Variants in GRIK2 observed in about 807,000 individuals in gnomAD.
The protein encoded by GRIK2 is glutamate receptor ionotropic, kainate 2.
A neutral mutation model predicts 100.3 loss-of-function variants in GRIK2; 32 were observed. That is an observed-to-expected ratio of 0.32 (90% CI 0.24 to 0.43). The LOEUF (loss-of-function observed/expected upper bound fraction) is 0.43. Among genes scored for constraint, GRIK2 ranks in the 20% least tolerant of loss-of-function variants. The pLI is 1.00. For synonymous variants in GRIK2, 417 were observed against 389.4 expected (o/e 1.07, Z -0.83); for missense variants, 843 against 1,114.9 (o/e 0.76, Z 3.47).
chr6:101,668,162 C>T (rs1770169051), intron 4 of GRIK2, among the ~76,000 whole-genome samples: 1 of 152,162 alleles, frequency 6.6e-6, no homozygotes, highest in Non-Finnish European at 1.5e-5. Context: ...TTCTTTTCCT[C>T]CTCTGAGAAG....
chr6:101,856,075 C>A (rs916169815), intron 10 of GRIK2, among the ~76,000 whole-genome samples: 1 of 152,216 alleles, frequency 6.6e-6, no homozygotes, highest in East Asian at 1.9e-4. Flanking sequence ...AGTGGTAGAA[C>A]AACAGGTTTT....
intron 2 of GRIK2, among the ~76,000 whole-genome samples, chr6:101,502,683 G>A (rs1229667889): frequency 2.6e-5 from 4 of 152,132 alleles, no homozygotes; most frequent in Non-Finnish European, 5.9e-5. Flanking sequence ...GGAAGAGATT[G>A]ATAGGATATC....
intron 12 of GRIK2, among the ~76,000 whole-genome samples, chr6:101,917,748 C>T (rs1789213787): frequency 6.6e-6 from 1 of 151,216 alleles, no homozygotes; most frequent in African/African-American, 2.4e-5. Context: ...ACAGAAGTAA[C>T]AATTGAAAAT....
chr6:101,588,190 A>C (rs1778466832), intron 2 of GRIK2, among the ~76,000 whole-genome samples: 1 of 152,136 alleles, frequency 6.6e-6, no homozygotes, highest in Non-Finnish European at 1.5e-5. Flanking sequence ...GCAACTATGA[A>C]GCTAATAGAG....
At chr6:101,677,305 G>A (rs1347027331) in intron 5 of GRIK2, among the ~76,000 whole-genome samples, 1 of 152,082 alleles carries the variant, frequency 6.6e-6, no homozygotes, top group Non-Finnish European at 1.5e-5. Flanking sequence ...AAATGAACAA[G>A]TAACTTGACC....
In GRIK2 at chr6:101,529,640, G is replaced by T. The variant is rs189474297; in HGVS notation, c.116-92309G>T. On this transcript the variant is annotated intron_variant, in intron 2 of 16. Coordinates refer to ENST00000369134, the MANE Select transcript of GRIK2 (RefSeq NM_021956.5). ...GAATGTTTATAATGTGCGAGGCATC[G>T]ATCCAACAACTGTGGAATCTATAAA... is the stretch of plus-strand genomic sequence containing the variant. Among the ~76,000 whole-genome samples the T allele has an allele frequency of 3.3e-4, 50 of 152,102 alleles. 1 individual carries two copies. The East Asian group carries it at 8.7e-3, about 26-fold the overall frequency.
At chr6:101,493,574 A>G (rs1049637274) in intron 2 of GRIK2, among the ~76,000 whole-genome samples, 2 of 152,056 alleles carry the variant, frequency 1.3e-5, no homozygotes, top group African/African-American at 4.8e-5. Flanking sequence ...GGAAATATTT[A>G]CTAATCAATA....
chr6:101,512,228 C>G (rs1774359677), intron 2 of GRIK2, among the ~76,000 whole-genome samples: 2 of 151,914 alleles, frequency 1.3e-5, no homozygotes, highest in South Asian at 4.2e-4. Context: ...AACTTAGTTT[C>G]ATTCATGGTA....
intron 2 of GRIK2, among the ~76,000 whole-genome samples, chr6:101,464,423 A>C (rs537430953): frequency 6.8e-6 from 1 of 147,472 alleles, no homozygotes; most frequent in Non-Finnish European, 1.5e-5. Flanking sequence ...GCAGTGGTGG[A>C]GGCATAAACT....
At chr6:102,066,351 C>T (rs775213663) in intron 16 of GRIK2, among the ~76,000 whole-genome samples, 3 of 151,188 alleles carry the variant, frequency 2.0e-5, no homozygotes, top group Non-Finnish European at 4.4e-5. Flanking sequence ...TGTGTACAAG[C>T]AGTGCCGTGA....
chr6:101,879,333 C>T (rs1233161024), intron 11 of GRIK2, among the ~76,000 whole-genome samples: 1 of 152,002 alleles, frequency 6.6e-6, no homozygotes, highest in African/African-American at 2.4e-5. Flanking sequence ...ATACATGCTT[C>T]TTTGAGGCTC....
chr6:101,956,677 T>G (rs1791954833), intron 14 of GRIK2, among the ~76,000 whole-genome samples: 1 of 151,782 alleles, frequency 6.6e-6, no homozygotes, highest in African/African-American at 2.4e-5. Flanking sequence ...GATACTGATC[T>G]CCTGCTTTAT....
At chr6:101,984,614 A>T (rs1444151200) in intron 14 of GRIK2, among the ~76,000 whole-genome samples, 2 of 129,250 alleles carry the variant, frequency 1.5e-5, no homozygotes, top group South Asian at 5.3e-4. Context: ...TACACATTAA[A>T]ACACACACAC....
chr6:102,050,232 T>C (rs1180617922), intron 15 of GRIK2, among the ~76,000 whole-genome samples: 1 of 150,740 alleles, frequency 6.6e-6, no homozygotes, highest in Non-Finnish European at 1.5e-5. Context: ...ACAAGTAAGG[T>C]TCCTAGAATG....
intron 15 of GRIK2, among the ~76,000 whole-genome samples, chr6:102,039,664 G>T (rs934078865): frequency 1.3e-5 from 2 of 151,396 alleles, no homozygotes; most frequent in African/African-American, 4.8e-5. Flanking sequence ...AAGCCTTCTT[G>T]GTTTCTCTTT....
chr6:101,770,164 A>C (rs1778307604), intron 7 of GRIK2, among the ~76,000 whole-genome samples: 1 of 152,098 alleles, frequency 6.6e-6, no homozygotes. Context: ...GTCTATCGTT[A>C]CTGCCTTGTT....
At chr6:101,730,569 T>G (rs987354336) in intron 7 of GRIK2, among the ~76,000 whole-genome samples, 1 of 151,982 alleles carries the variant, frequency 6.6e-6, no homozygotes, top group African/African-American at 2.4e-5. Flanking sequence ...AAATCATTGT[T>G]ATTACTGCTG....
intron 2 of GRIK2, among the ~76,000 whole-genome samples, chr6:101,620,973 A>G (rs190045612): frequency 2.2e-4 from 33 of 152,310 alleles, no homozygotes; most frequent in Admixed American, 2.2e-3. Flanking sequence ...ATATTTTAAA[A>G]TTATACTCTA....
intron 2 of GRIK2, among the ~76,000 whole-genome samples, chr6:101,399,831 G>C (rs941954054): frequency 1.3e-5 from 2 of 152,222 alleles, no homozygotes; most frequent in Non-Finnish European, 2.9e-5. Flanking sequence ...GCGCCTGTCC[G>C]CTTCCGCCAG....
Sources: gnomAD v4.1 joint callset for allele counts (sites outside exome capture counted in the v4.1 genomes callset) on GRCh38, gnomAD v4.1.1 for gene constraint, MANE v1.5 for transcripts, NCBI Gene and HGNC (gene_info 2026-07-23, HGNC 2026-07-21) for gene names.